Variants in STEAP2 observed in about 807,000 individuals in gnomAD.
STEAP2 encodes metalloreductase STEAP2.
Under a neutral mutation model 46.4 loss-of-function variants are expected in STEAP2, and 30 were observed. That is an observed-to-expected ratio of 0.65 (90% CI 0.48 to 0.88). STEAP2 has a LOEUF of 0.88. Among genes scored for constraint, STEAP2 ranks in the 40% least tolerant of loss-of-function variants. STEAP2 has a pLI of 0.00. For synonymous variants in STEAP2, 180 were observed against 200.5 expected, an observed-to-expected ratio of 0.90 and a Z score of 0.86; for missense variants, 513 against 579.3, an observed-to-expected ratio of 0.89 and a Z score of 1.18.
chr7:90,236,770 C>T lies in STEAP2; in HGVS notation c.*4146C>T, dbSNP rs552030364. ...ATCATGCATTCATCCAAAATTAAGG[C>T]AGACTGTTTGGATTCTTCCAGTGGC... On this transcript the variant is annotated 3_prime_UTR_variant, in exon 6 of 6. Coordinates refer to ENST00000394621, the MANE Select transcript of STEAP2 (RefSeq NM_001244944.2). 13 of 1,453,212 alleles carry T rather than the reference C, an allele frequency of 8.9e-6. No homozygotes were observed. The African/African-American group carries it at 1.3e-4, about 14-fold the overall frequency. 90.0% of individuals were successfully genotyped at this position (1,453,212 alleles called of 1,614,324 possible). A position where few individuals can be genotyped will look rare whatever the true frequency, so the allele number is the denominator to read the frequency against.
Position 90,235,622 on chromosome 7 carries a change from A to AG in STEAP2, c.*2998_*2999insG. On this transcript the variant is annotated 3_prime_UTR_variant, in exon 6 of 6. Transcript: ENST00000394621. ...ACTCAGTCTTAATCCTATGCAAAAAAAAAAATCAAGTAATTGTTTTCCTAT... is the reference window on the plus strand; with the variant it reads ...ACTCAGTCTTAATCCTATGCAAAAAAGAAAAATCAAGTAATTGTTTTCCTAT... The AG allele has an allele frequency of 1.0e-6, 1 of 983,298 alleles. No homozygotes were observed. The highest frequency in any genetic ancestry group is 1.2e-6 in the Non-Finnish European group (1 of 828,132). The allele number at this position is 983,298 out of a possible 1,614,324, so 60.9% of individuals were successfully genotyped here.
downstream of STEAP2, among the ~76,000 whole-genome samples, chr7:90,242,353 G>T (rs375464327): frequency 1.3e-5 from 2 of 152,178 alleles, no homozygotes; most frequent in Admixed American, 6.5e-5. Context: ...AGTGAGGAAG[G>T]TGCCTGTCTA....
chr7:90,215,025 A>T (rs1464655202), intron 1 of STEAP2, among the ~76,000 whole-genome samples: 1 of 152,198 alleles, frequency 6.6e-6, no homozygotes, highest in Non-Finnish European at 1.5e-5. Flanking sequence ...AGTCATAAGG[A>T]ATAAACTAGA....
intron 2 of STEAP2, among the ~76,000 whole-genome samples, chr7:90,220,975 G>A (rs915573172): frequency 6.6e-6 from 1 of 151,990 alleles, no homozygotes; most frequent in Non-Finnish European, 1.5e-5. Flanking sequence ...ATTCCATTGT[G>A]GTCTGAGGAA....
chr7:90,234,869 T>TAA lies in STEAP2; in HGVS notation c.*2246_*2247dup. 1 of 985,242 alleles carries TAA rather than the reference T, an allele frequency of 1.0e-6. No homozygotes were observed. Among genetic ancestry groups the TAA allele is most frequent in the Non-Finnish European group, 1.2e-6 (1 of 829,810 alleles). 61.0% of individuals were successfully genotyped at this position (985,242 alleles called of 1,614,324 possible). A position where few individuals can be genotyped will look rare whatever the true frequency, so the allele number is the denominator to read the frequency against. On this transcript the variant is annotated 3_prime_UTR_variant, in exon 6 of 6. Transcript: ENST00000394621. ...GCCCGGCCTATTATCTTGTACTTTC[T>TAA]AACTGAGCCCTCTATTTTCTTTATT...
Position 90,236,665 on chromosome 7 carries a change from C to A in STEAP2, c.*4041C>A, listed in dbSNP as rs1288882220. ...ATACAGTGCTTAATTTTCAGAGATT[C>A]TTTCCATATGTTACTAAAAAATGTT... On this transcript the variant is annotated 3_prime_UTR_variant, in exon 6 of 6. Transcript: ENST00000394621. The A allele has an allele frequency of 1.6e-6, 2 of 1,261,308 alleles. No individual in the cohort carries two copies. The highest frequency in any genetic ancestry group is 2.0e-6 in the Non-Finnish European group (2 of 1,003,870). 78.1% of individuals were successfully genotyped at this position (1,261,308 alleles called of 1,614,324 possible). A position where few individuals can be genotyped will look rare whatever the true frequency, so the allele number is the denominator to read the frequency against.
intron 1 of STEAP2, among the ~76,000 whole-genome samples, chr7:90,212,842 C>A (rs1288425641): frequency 7.5e-6 from 1 of 134,100 alleles, no homozygotes; most frequent in African/African-American, 2.8e-5. Flanking sequence ...CCACCCCCAA[C>A]CTCCTGACTT....
chr7:90,222,397 A>G (rs975381823), intron 2 of STEAP2, among the ~76,000 whole-genome samples: 2 of 152,198 alleles, frequency 1.3e-5, no homozygotes, highest in African/African-American at 2.4e-5. Flanking sequence ...AAGGAATAAT[A>G]TACTACTTTG....
intron 2 of STEAP2, among the ~76,000 whole-genome samples, chr7:90,220,335 C>T (rs1795201761): frequency 6.6e-6 from 1 of 152,038 alleles, no homozygotes. Flanking sequence ...CCAGGTTTTC[C>T]ATTTCTTCCC....
chr7:90,223,078 GA>G (rs1472926423), intron 2 of STEAP2, among the ~76,000 whole-genome samples: 1 of 152,182 alleles, frequency 6.6e-6, no homozygotes, highest in Non-Finnish European at 1.5e-5. Flanking sequence ...AAAATAATTT[GA>G]GAGATTTTTC....
intron 5 of STEAP2, among the ~76,000 whole-genome samples, chr7:90,231,530 A>G (rs1320827746): frequency 1.3e-5 from 2 of 151,990 alleles, no homozygotes; most frequent in African/African-American, 4.8e-5. Context: ...CTCCCAGGCT[A>G]CAAACCTGTA....
Position 90,235,341 on chromosome 7 carries a change from T to G in STEAP2, c.*2717T>G, listed in dbSNP as rs900234726. 1 of 952,730 alleles carries G rather than the reference T, an allele frequency of 1.0e-6. No individual in the cohort carries two copies. Among genetic ancestry groups the G allele is most frequent in the African/African-American group, 1.8e-5 (1 of 56,644 alleles). The allele number at this position is 952,730 out of a possible 1,614,324, so 59.0% of individuals were successfully genotyped here. On this transcript the variant is annotated 3_prime_UTR_variant, in exon 6 of 6. Transcript: ENST00000394621. ...TATATTTACTATAATTCTAAATGTT[T>G]AAATGCTTTTCTAAAAATGCAAAAC...
In STEAP2 at chr7:90,227,317, A is replaced by G. The variant is rs751685635; in HGVS notation, c.839A>G (p.Tyr280Cys). 17 of 1,613,800 alleles carry G rather than the reference A, an allele frequency of 1.1e-5. No homozygotes were observed. Among genetic ancestry groups the G allele is most frequent in the Middle Eastern group, 1.6e-4 (1 of 6,080 alleles). Reference protein sequence around the residue: ...VYLAGLLAAAYQLYYGTKYRR... With the variant: ...VYLAGLLAAACQLYYGTKYRR... ...CTCGCAGGTCTTCTGGCAGCTGCTT[A>G]TCAACTTTATTACGGCACCAAGTAT... The change falls in exon 4 of 6, where the codon TAT (tyrosine) becomes TGT (cysteine). Residue 280 changes from tyrosine to cysteine, a missense_variant. Physicochemically the swap from Tyr to Cys is radical, Grantham distance 194. Transcript: ENST00000394621.
rs1448978788 is a variant in STEAP2, at chr7:90,225,378, C to A, written c.296C>A (p.Thr99Asn). 4 of 1,613,756 alleles carry A rather than the reference C, an allele frequency of 2.5e-6. No individual in the cohort carries two copies. The highest frequency in any genetic ancestry group is 2.7e-5 in the African/African-American group (2 of 75,022). ...IFVAIHREHY[T>N]SLWDLRHLLV... ...GTTGCTATACACAGAGAACATTATA[C>A]CTCCCTGTGGGACCTGAGACATCTG... The change falls in exon 3 of 6, where the codon ACC becomes AAC. Residue 99 changes from threonine to asparagine, a missense_variant. Physicochemically the swap from Thr to Asn is moderately conservative, Grantham distance 65. Transcript: ENST00000394621.
In STEAP2 at chr7:90,232,417, G is replaced by A. The variant is rs1562814254; in HGVS notation, c.1266G>A (p.Glu422=). ...IYGWKRAFEE[E]YYRFYTPPNF... ...GATGGAAACGAGCTTTTGAGGAAGA[G>A]TACTACAGATTTTATACACCACCAA... is the stretch of plus-strand genomic sequence containing the variant. The change falls in exon 6 of 6, where the codon GAG becomes GAA. Residue 422 remains glutamate, a synonymous_variant. Coordinates refer to ENST00000394621, the MANE Select transcript of STEAP2 (RefSeq NM_001244944.2). 1.2e-6 allele frequency: 2 copies of A among 1,613,630 alleles called. No homozygotes were observed. The highest frequency in any genetic ancestry group is 8.5e-7 in the Non-Finnish European group (1 of 1,179,680).
chr7:90,234,613 C>G lies in STEAP2; in HGVS notation c.*1989C>G, dbSNP rs1283589918. ...TCACCCAGGCTGGAGTGCAGTGGCA[C>G]GATCTCGGCTCACTGCAAGCTCTGC... On this transcript the variant is annotated 3_prime_UTR_variant, in exon 6 of 6. Transcript: ENST00000394621. 10 of 821,932 alleles carry G rather than the reference C, an allele frequency of 1.2e-5. No homozygotes were observed. Among genetic ancestry groups the G allele is most frequent in the African/African-American group, 5.7e-5 (3 of 52,446 alleles). 50.9% of individuals were successfully genotyped at this position (821,932 alleles called of 1,614,324 possible).
At chr7:90,237,784 A>G (rs908193736), downstream of STEAP2, 5 of 225,386 alleles carry the variant, frequency 2.2e-5, no homozygotes, top group Non-Finnish European at 8.9e-6. Flanking sequence ...TTTTACTAAA[A>G]TAGTCATTTA....
Position 90,237,164 on chromosome 7 carries a change from A to G in STEAP2, c.*4540A>G. On this transcript the variant is annotated 3_prime_UTR_variant, in exon 6 of 6. Coordinates refer to ENST00000394621, the MANE Select transcript of STEAP2 (RefSeq NM_001244944.2). ...AGGATCAAAGCCACACCCAAAGAGTAAGGCAGATTAGAGACCAGAAAGACC... is the reference window on the plus strand; with the variant it reads ...AGGATCAAAGCCACACCCAAAGAGTGAGGCAGATTAGAGACCAGAAAGACC... 2.0e-6 allele frequency: 1 copy of G among 498,418 alleles called. No individual in the cohort carries two copies. Among genetic ancestry groups the G allele is most frequent in the African/African-American group, 2.0e-5 (1 of 50,502 alleles). The allele number at this position is 498,418 out of a possible 1,614,324, so 30.9% of individuals were successfully genotyped here. A position where few individuals can be genotyped will look rare whatever the true frequency, so the allele number is the denominator to read the frequency against.
At chr7:90,239,339 C>G (rs1339917656), downstream of STEAP2, among the ~76,000 whole-genome samples, 1 of 152,200 alleles carries the variant, frequency 6.6e-6, no homozygotes, top group Non-Finnish European at 1.5e-5. Context: ...ATCCTGCCAA[C>G]ACCTTAGTCT....
Sources: gnomAD v4.1 joint callset for allele counts (sites outside exome capture counted in the v4.1 genomes callset) on GRCh38, gnomAD v4.1.1 for gene constraint, MANE v1.5 for transcripts, NCBI Gene and HGNC (gene_info 2026-07-23, HGNC 2026-07-21) for gene names.